The following DDX24 variants were observed in gnomAD, a reference collection of about 807,000 sequenced individuals.
DDX24 encodes DEAD-box helicase 24, also known as ATP-dependent RNA helicase DDX24.
In DDX24, 24 loss-of-function variants were observed where a neutral mutation model predicts 68.9. The observed-to-expected ratio is 0.35, with a 90% CI of 0.25 to 0.49. The LOEUF is 0.49. Ranked by LOEUF, DDX24 falls within the 20% of genes least tolerant of loss-of-function variation. The pLI is 0.99. For missense variants in DDX24, 989 were observed against 1,039.0 expected (o/e 0.95, Z 0.66); for synonymous variants, 395 against 385.2 (o/e 1.03, Z -0.30).
rs878981279 is a variant in DDX24 at position 94,061,045 on chromosome 14, A to G, written c.1265T>C (p.Val422Ala). Residue 422 changes from valine (V) to alanine (A), a missense_variant, in exon 4 of 9, where the codon GTT (valine) becomes GCT (alanine). Val to Ala is a moderately conservative substitution (Grantham distance 64). This residue lies in a region of DDX24 where 691 missense variants were observed against 760.0 expected (regional missense o/e 0.91). Coordinates refer to ENST00000621632, the MANE Select transcript of DDX24 (RefSeq NM_020414.4). ...RFTGIKTAIL[V>A]GGMSTQKQQR... ...CTGTTTCTGCGTGGACATTCCACCA[A>G]CCAAAATAGCAGTTTTAATTCCTAT... 1.2e-6 allele frequency: 2 copies of G among 1,614,198 alleles called. No homozygotes were observed. The highest frequency in any genetic ancestry group is 1.7e-6 in the Non-Finnish European group (2 of 1,180,030).
At position 94,062,268 on chromosome 14, in the gene DDX24, C is replaced by CATT. The variant is rs749922535; in HGVS notation, c.1071_1072insAAT (p.Glu357_Glu358insAsn). ...GTCTGCTCTTTATCAAGATTTTCCT[C>CATT]CTCATTCTCATTCTGTTTGGGAACA... On this transcript the variant is annotated inframe_insertion, in exon 3 of 9. Transcript: ENST00000621632. The CATT allele has an allele frequency of 1.2e-6, 2 of 1,614,134 alleles. No individual in the cohort carries two copies. The highest frequency in any genetic ancestry group is 1.7e-6 in the Non-Finnish European group (2 of 1,180,032).
At chr14:94,054,499 G>T (rs1053231085) in intron 7 of DDX24, among the ~76,000 whole-genome samples, 1 of 152,160 alleles carries the variant, frequency 6.6e-6, no homozygotes, top group Non-Finnish European at 1.5e-5. Flanking sequence ...TTTATTCACA[G>T]CTGGCAAACC....
intron 4 of DDX24, 99 bp downstream of exon 4, chr14:94,060,814 A>C (rs775978053): frequency 1.6e-4 from 250 of 1,525,096 alleles, no homozygotes; most frequent in Non-Finnish European, 2.1e-4. Flanking sequence ...ACCACACCAT[A>C]GCATTCTGCG....
Position 94,079,525 on chromosome 14 carries a change from G to T in DDX24, c.218C>A (p.Ala73Glu). The stretch of plus-strand genomic sequence containing the variant: ...AACAGCTTGTGCCTTTCTCTTGGGT[G>T]CTTCCTTTGAGAAGAGACTGGAGGG... ...KNPSSLFSKE[A>E]PKRKAQAVSE... Residue 73 changes from alanine to glutamate, a missense_variant, in exon 2 of 9, where the codon GCA (alanine) becomes GAA (glutamate). This residue lies in a region of DDX24 where 295 missense variants were observed against 263.0 expected (regional missense o/e 1.12). Coordinates refer to ENST00000621632, the MANE Select transcript of DDX24 (RefSeq NM_020414.4). 6.2e-7 allele frequency: 1 copy of T among 1,614,076 alleles called. No homozygotes were observed. Among genetic ancestry groups the T allele is most frequent in the Non-Finnish European group, 8.5e-7 (1 of 1,180,038 alleles).
chr14:94,066,351 GGA>G (rs1459253646), intron 2 of DDX24, among the ~76,000 whole-genome samples: 1 of 152,126 alleles, frequency 6.6e-6, no homozygotes, highest in African/African-American at 2.4e-5. Context: ...ACCCACCCAA[GGA>G]GAGTCAGAGC....
chr14:94,060,550 C>T lies in DDX24; in HGVS notation c.1461G>A (p.Gln487=), dbSNP rs1885575406. ...GGGAGTCATTGAGCATCTCTAGCAGCTGTGAGAGCTCAGCAAAATGGCCTT... is the reference window on the plus strand; with the variant it reads ...GGGAGTCATTGAGCATCTCTAGCAGTTGTGAGAGCTCAGCAAAATGGCCTT... ...VEKGHFAELS[Q]LLEMLNDSQY... is the part of the protein sequence containing the mutation. Residue 487 remains glutamine (Q), a synonymous_variant, in exon 5 of 9, where the codon CAG becomes CAA. Transcript: ENST00000621632. 4 of 1,614,052 alleles carry T rather than the reference C, an allele frequency of 2.5e-6. No homozygotes were observed. In the South Asian group the frequency reaches 4.4e-5, roughly 18 times the overall value.
intron 2 of DDX24, among the ~76,000 whole-genome samples, chr14:94,068,244 AC>A (rs1440091356): frequency 6.6e-6 from 1 of 152,234 alleles, no homozygotes; most frequent in African/African-American, 2.4e-5. Context: ...CTTTAAAGCA[AC>A]AATGGTTAAA....
At position 94,079,679 on chromosome 14, in the gene DDX24, C is replaced by A. The variant is rs1172451101; in HGVS notation, c.64G>T (p.Gly22Ter). The A allele has an allele frequency of 6.2e-7, 1 of 1,614,098 alleles. No homozygotes were observed. Among genetic ancestry groups the A allele is most frequent in the Non-Finnish European group, 8.5e-7 (1 of 1,180,014 alleles). ...QSSCGKFQTK[G>*]IKVVGKWKEV... ...TTCCATTTTCCCACAACTTTGATTCCCTTTGTCTGAAATTTGCCACAGCTT... is the reference window on the plus strand; with the variant it reads ...TTCCATTTTCCCACAACTTTGATTCACTTTGTCTGAAATTTGCCACAGCTT... The change falls in exon 2 of 9, where the codon GGA becomes TGA. Residue 22 changes from glycine (G) to a stop codon, truncating the protein, a stop_gained. Transcript: ENST00000621632. LOFTEE classifies it high-confidence loss of function.
rs1217434844 is a variant in DDX24 at position 94,079,633 on chromosome 14, T to C, written c.110A>G (p.Asn37Ser). The stretch of plus-strand genomic sequence containing the variant: ...ATCCATCTGTCCATCTGCAAACATA[T>C]TTGGGTCAATCTTCACTTCCTTCCA... Reference protein sequence around the residue: ...GKWKEVKIDPNMFADGQMDDL... With the variant: ...GKWKEVKIDPSMFADGQMDDL... The change falls in exon 2 of 9, where the codon AAT becomes AGT. Residue 37 changes from asparagine to serine, a missense_variant. This residue lies in a region of DDX24 where 295 missense variants were observed against 263.0 expected (regional missense o/e 1.12). Transcript: ENST00000621632. 17 of 1,614,030 alleles carry C rather than the reference T, an allele frequency of 1.1e-5. No homozygotes were observed. The highest frequency in any genetic ancestry group is 1.4e-5 in the Non-Finnish European group (16 of 1,180,028).
chr14:94,065,347 C>T (rs531823451), intron 2 of DDX24, among the ~76,000 whole-genome samples: 6 of 140,970 alleles, frequency 4.3e-5, no homozygotes, highest in South Asian at 2.2e-4. Flanking sequence ...CCACTGCACC[C>T]GGCGTATGGG....
chr14:94,078,020 C>CGG (rs954300880), intron 2 of DDX24, among the ~76,000 whole-genome samples: 1 of 148,858 alleles, frequency 6.7e-6, no homozygotes, highest in African/African-American at 2.5e-5. Flanking sequence ...CGACAATATT[C>CGG]GGGGGGGTAA....
At position 94,048,336 on chromosome 14, in the gene DDX24, CTT is replaced by C. The variant is rs1446462591; in HGVS notation, c.*2853_*2854del. 1.3e-5 allele frequency: 2 copies of C among 152,178 alleles called. No individual in the cohort carries two copies. Among genetic ancestry groups the C allele is most frequent in the Admixed American group, 1.3e-4 (2 of 15,282 alleles). The allele number at this position is 152,178 out of a possible 1,614,324, so 9.4% of individuals were successfully genotyped here. On this transcript the variant is annotated 3_prime_UTR_variant, in exon 9 of 9. Transcript: ENST00000621632. ...TATGATACTTTCTCTCCAAAGGAAA[CTT>C]TTAAATCAATGGGAACAATTAGCAA...
intron 8 of DDX24, chr14:94,051,708 TATC>T: frequency 2.4e-6 from 1 of 414,670 alleles, no homozygotes; most frequent in Non-Finnish European, 4.2e-6. Flanking sequence ...AGACTGGAAT[TATC>T]TTTACAGATG....
chr14:94,078,064 A>G (rs1885981810), intron 2 of DDX24, among the ~76,000 whole-genome samples: 2 of 152,100 alleles, frequency 1.3e-5, no homozygotes, highest in South Asian at 4.1e-4. Context: ...TAAACACTGT[A>G]CAGACTTTTC....
At chr14:94,070,592 C>T (rs757121637) in intron 2 of DDX24, among the ~76,000 whole-genome samples, 11 of 152,284 alleles carry the variant, frequency 7.2e-5, no homozygotes, top group Admixed American at 4.6e-4. Flanking sequence ...AGGCATCACA[C>T]TACCTGATTT....
chr14:94,075,664 T>G (rs1393690833), intron 2 of DDX24, among the ~76,000 whole-genome samples: 1 of 152,196 alleles, frequency 6.6e-6, no homozygotes, highest in African/African-American at 2.4e-5. Flanking sequence ...TAATTTGGAT[T>G]TCATCAAAAT....
intron 2 of DDX24, among the ~76,000 whole-genome samples, chr14:94,067,339 T>C (rs537475635): frequency 6.6e-6 from 1 of 152,192 alleles, no homozygotes; most frequent in East Asian, 1.9e-4. Context: ...TCTGGGATTA[T>C]GTTAAATGAC....
At chr14:94,065,384 G>GACACACACAC (rs58390384) in intron 2 of DDX24, among the ~76,000 whole-genome samples, 11,341 of 147,202 alleles carry the variant, frequency 0.077, 460 homozygotes, top group Middle Eastern at 0.16. Context: ...CTCTCTCTCT[G>GACACACACAC]ACACACACAC....
Position 94,051,766 on chromosome 14 carries a change from C to G in DDX24, c.2309-304G>C, listed in dbSNP as rs182697637. 3.3e-3 allele frequency: 1,037 copies of G among 309,622 alleles called. 1 individual carries two copies. Among genetic ancestry groups the G allele is most frequent in the Non-Finnish European group, 5.0e-3 (857 of 170,052 alleles). 19.2% of individuals were successfully genotyped at this position (309,622 alleles called of 1,614,324 possible). A position where few individuals can be genotyped will look rare whatever the true frequency, so the allele number is the denominator to read the frequency against. Reference sequence around the variant, plus strand: ...AAGTCACCTGGCTCACATCACAGAGCCAGTCATCAGACAGAGCCCAGAACC... The same window carrying G: ...AAGTCACCTGGCTCACATCACAGAGGCAGTCATCAGACAGAGCCCAGAACC... On this transcript the variant is annotated intron_variant, in intron 8 of 8. Transcript: ENST00000621632.
Sources: allele counts gnomAD v4.1 joint callset (sites outside exome capture counted in the v4.1 genomes callset), GRCh38; gene constraint gnomAD v4.1.1; regional missense constraint gnomAD v4.1.1; transcripts MANE v1.5; gene names NCBI Gene and HGNC (gene_info 2026-07-23, HGNC 2026-07-21).